Variants in RPS5 observed in about 807,000 individuals in gnomAD.
RPS5 encodes ribosomal protein S5, also known as small ribosomal subunit protein uS7.
In RPS5, 2 loss-of-function variants were observed where a neutral mutation model predicts 20.9. The observed-to-expected ratio is 0.10, with a 90% CI of 0.04 to 0.30. The LOEUF (loss-of-function observed/expected upper bound fraction) is 0.30, where lower values mean the gene tolerates loss of function less well. RPS5 is among the 10% of genes least tolerant of loss of function. The pLI is 1.00. For synonymous variants in RPS5, 112 were observed against 105.8 expected, an observed-to-expected ratio of 1.06 and a Z score of -0.36; for missense variants, 122 against 287.2, an observed-to-expected ratio of 0.42 and a Z score of 4.16.
At chr19:58,388,974 T>C (rs2052346563) in intron 2 of RPS5, among the ~76,000 whole-genome samples, 1 of 152,110 alleles carries the variant, frequency 6.6e-6, no homozygotes, top group Non-Finnish European at 1.5e-5. Flanking sequence ...ATTCCACTGG[T>C]CTATATGTCT....
At chr19:58,388,466 C>G (rs1195801939) in intron 2 of RPS5, 1 of 573,362 alleles carries the variant, frequency 1.7e-6, no homozygotes. Flanking sequence ...GAAGGAGCAT[C>G]ACATCTCACA....
At chr19:58,392,033 G>C (rs576300387) in intron 2 of RPS5, among the ~76,000 whole-genome samples, 116 of 152,196 alleles carry the variant, frequency 7.6e-4, no homozygotes, top group African/African-American at 2.6e-3. Flanking sequence ...AAAACTGACC[G>C]GGGTGGTGCC....
chr19:58,388,402 T>C, intron 2 of RPS5, 157 bp downstream of exon 2: 2 of 622,596 alleles, frequency 3.2e-6, no homozygotes, highest in Non-Finnish European at 5.8e-6. Flanking sequence ...CATCTGCTCT[T>C]ACGTCCTGTT....
chr19:58,388,296 C>G (rs1437425127), intron 2 of RPS5, 51 bp downstream of exon 2: 1 of 1,252,964 alleles, frequency 8.0e-7, no homozygotes, highest in Admixed American at 1.9e-5. Context: ...GACATTATTC[C>G]AGGAAGGCAC....
intron 2 of RPS5, among the ~76,000 whole-genome samples, chr19:58,388,835 T>C (rs2052345418): frequency 6.6e-6 from 1 of 152,016 alleles, no homozygotes; most frequent in Non-Finnish European, 1.5e-5. Context: ...TTCACCGAGT[T>C]AGCCAGGATG....
At position 58,387,999 on chromosome 19, in the gene RPS5, T is replaced by C; in HGVS notation, c.-1-138T>C. The C allele has an allele frequency of 6.4e-6, 4 of 622,012 alleles. No homozygotes were observed. The South Asian group carries it at 7.6e-5, about 12-fold the overall frequency. The allele number at this position is 622,012 out of a possible 1,614,324, so 38.5% of individuals were successfully genotyped here. ...AATTTTTCTAGTGCTTGAAAACACG[T>C]TCACGGCCTTTCTTGGTCCTTTGCG... On this transcript the variant is annotated intron_variant, in intron 1 of 5. Transcript: ENST00000196551.
intron 3 of RPS5, 82 bp downstream of exon 3, chr19:58,393,267 CCT>C (rs941966457): frequency 3.1e-6 from 5 of 1,609,756 alleles, no homozygotes; most frequent in East Asian, 2.2e-5. Flanking sequence ...AGGCTTATCC[CCT>C]GTGTGGTGTG....
chr19:58,392,753 G>A (rs550052846), intron 2 of RPS5, among the ~76,000 whole-genome samples: 1 of 151,872 alleles, frequency 6.6e-6, no homozygotes, highest in Non-Finnish European at 1.5e-5. Context: ...CTTCCATTAC[G>A]AAGGAAGTGT....
intron 2 of RPS5, among the ~76,000 whole-genome samples, chr19:58,392,508 C>A (rs2052370169): frequency 6.6e-6 from 1 of 151,778 alleles, no homozygotes; most frequent in Non-Finnish European, 1.5e-5. Flanking sequence ...CCCTATAATC[C>A]TAGCTACTCG....
chr19:58,394,152 A>G (rs911063920), intron 4 of RPS5: 2 of 245,722 alleles, frequency 8.1e-6, no homozygotes, highest in Non-Finnish European at 1.6e-5. Flanking sequence ...GGTTTCACCA[A>G]GTTGCTCAGG....
At chr19:58,387,980 T>C (rs1258318664) in intron 1 of RPS5, 157 bp from the exon 2 acceptor site, 7 of 605,456 alleles carry the variant, frequency 1.2e-5, no homozygotes, top group East Asian at 2.8e-5. Context: ...GAGTAATTTT[T>C]CTAGTGCTTG....
intron 2 of RPS5, among the ~76,000 whole-genome samples, chr19:58,388,924 C>T (rs7250794): frequency 0.1 from 15,467 of 152,110 alleles, 2,676 homozygotes; most frequent in African/African-American, 0.35. Context: ...CCACCGCGCC[C>T]GGCCCAGATG....
intron 2 of RPS5, among the ~76,000 whole-genome samples, chr19:58,392,116 GT>G (rs2052367040): frequency 6.6e-6 from 1 of 152,160 alleles, no homozygotes; most frequent in African/African-American, 2.4e-5. Context: ...GAGGTCAAGA[GT>G]TCGAGACCAG....
chr19:58,388,084 G>C (rs2052338414), intron 1 of RPS5, 53 bp from the exon 2 acceptor site: 10 of 1,290,770 alleles, frequency 7.7e-6, no homozygotes, highest in Admixed American at 1.9e-5. Context: ...GTGCGCCTTT[G>C]CTCCATGCTA....
At chr19:58,389,309 T>G (rs2052348703) in intron 2 of RPS5, among the ~76,000 whole-genome samples, 1 of 152,210 alleles carries the variant, frequency 6.6e-6, no homozygotes, top group Non-Finnish European at 1.5e-5. Context: ...TCACTCTCTG[T>G]CACCCAGGCT....
intron 2 of RPS5, among the ~76,000 whole-genome samples, chr19:58,389,755 GC>G (rs1258960263): frequency 5.3e-5 from 8 of 151,902 alleles, no homozygotes; most frequent in Non-Finnish European, 7.4e-5. Context: ...TCCCGCCTCA[GC>G]CTCCCAAGTA....
intron 2 of RPS5, among the ~76,000 whole-genome samples, chr19:58,391,771 C>T (rs911721664): frequency 2.6e-5 from 4 of 151,312 alleles, no homozygotes; most frequent in East Asian, 3.9e-4. Flanking sequence ...ACTAAAAATA[C>T]AAAAATTAGC....
At chr19:58,393,250 G>A in intron 3 of RPS5, 65 bp downstream of exon 3, 1 of 1,611,988 alleles carries the variant, frequency 6.2e-7, no homozygotes, top group East Asian at 2.2e-5. Context: ...CCCACGGAGT[G>A]TATGTCAGGC....
intron 4 of RPS5, chr19:58,393,733 T>C (rs947925104): frequency 8.4e-6 from 4 of 473,662 alleles, no homozygotes; most frequent in African/African-American, 2.0e-5. Flanking sequence ...TGTGTGTATA[T>C]GTACTTTTTT....
Sources: allele counts gnomAD v4.1 joint callset (sites outside exome capture counted in the v4.1 genomes callset), GRCh38; gene constraint gnomAD v4.1.1; transcripts MANE v1.5; gene names NCBI Gene and HGNC (gene_info 2026-07-23, HGNC 2026-07-21).